The following C2orf42 variants were observed in gnomAD, a reference collection of about 807,000 sequenced individuals.
C2orf42 encodes the protein uncharacterized protein C2orf42.
Under a neutral mutation model 58.9 loss-of-function variants are expected in C2orf42, and 44 were observed. The observed-to-expected ratio is 0.75, with a 90% confidence interval of 0.59 to 0.96. The LOEUF (loss-of-function observed/expected upper bound fraction) is 0.96, where lower values mean the gene tolerates loss of function less well. Ranked by LOEUF, C2orf42 falls within the 40% of genes least tolerant of loss-of-function variation. The pLI, the probability that C2orf42 is intolerant of heterozygous loss-of-function variation, is 0.00. For synonymous variants in C2orf42, 239 were observed against 265.4 expected, an observed-to-expected ratio of 0.90 and a Z score of 0.97; for missense variants, 630 against 699.2, an observed-to-expected ratio of 0.90 and a Z score of 1.12.
In C2orf42 at chr2:70,180,607, CAAAAAAAA is replaced by C. The variant is rs59381817; in HGVS notation, c.823+548_823+555del. ...TTTGTGATGGAGCAAGATTCTGTCT[CAAAAAAAA>C]AAAAAAAAAAAAAAAATCAAGAGAT... is the stretch of plus-strand genomic sequence containing the variant. On this transcript the variant is annotated intron_variant, in intron 3 of 9. Transcript: ENST00000264434. Among the ~76,000 whole-genome samples, 343 of 57,080 alleles carry C rather than the reference CAAAAAAAA, an allele frequency of 6.0e-3. 3 individuals are homozygous for C. The highest frequency in any genetic ancestry group is 0.022 in the African/African-American group (327 of 14,976). 37.4% of individuals were successfully genotyped at this position (57,080 alleles called of 152,430 possible). A position where few individuals can be genotyped will look rare whatever the true frequency, so the allele number is the denominator to read the frequency against.
intron 6 of C2orf42, 102 bp from the exon 7 acceptor site, chr2:70,165,737 A>G: frequency 1.5e-6 from 1 of 684,824 alleles, no homozygotes; most frequent in South Asian, 1.7e-5. Context: ...GGTAATAACT[A>G]AAAATACCAC....
chr2:70,181,332 A>T lies in C2orf42; in HGVS notation c.654T>A (p.Pro218=). ...GACAGGAGCAGAAGAAGCGGCGCTC[A>T]GGCAAGCTTTTGCCACTGACTTTCT... ...FVQKVSGKSL[P]ERRFFCSCQT... Residue 218 remains proline (P), a synonymous_variant, in exon 3 of 10, where the codon CCT becomes CCA. Transcript: ENST00000264434. The T allele has an allele frequency of 6.2e-7, 1 of 1,614,050 alleles. No homozygotes were observed. Among genetic ancestry groups the T allele is most frequent in the Non-Finnish European group, 8.5e-7 (1 of 1,179,960 alleles).
intron 4 of C2orf42, among the ~76,000 whole-genome samples, chr2:70,178,104 T>C (rs1674311814): frequency 6.6e-6 from 1 of 152,130 alleles, no homozygotes; most frequent in Admixed American, 6.6e-5. Context: ...TAGCAAAAGG[T>C]ATCCTGTTTT....
At chr2:70,177,292 T>C (rs1174631635) in intron 4 of C2orf42, among the ~76,000 whole-genome samples, 1 of 137,868 alleles carries the variant, frequency 7.3e-6, no homozygotes, top group African/African-American at 2.7e-5. Context: ...AAAAAAAAAA[T>C]AGCCAAGCGT....
chr2:70,185,385 G>C (rs1674862288), intron 1 of C2orf42, among the ~76,000 whole-genome samples: 1 of 149,556 alleles, frequency 6.7e-6, no homozygotes, highest in South Asian at 2.1e-4. Context: ...TCCAGCATGG[G>C]TGACAAGAGT....
chr2:70,159,130 C>T (rs1383499898), intron 9 of C2orf42, among the ~76,000 whole-genome samples: 1 of 151,732 alleles, frequency 6.6e-6, no homozygotes, highest in East Asian at 1.9e-4. Context: ...TTGTGATCCG[C>T]CTGTCTCAGC....
chr2:70,156,616 T>C (rs1672692412), intron 9 of C2orf42, among the ~76,000 whole-genome samples: 1 of 151,702 alleles, frequency 6.6e-6, no homozygotes, highest in South Asian at 2.1e-4. Context: ...TCTCAGCACT[T>C]TGGGAGGCTG....
intron 8 of C2orf42, among the ~76,000 whole-genome samples, chr2:70,164,549 T>C (rs1673276130): frequency 6.6e-6 from 1 of 151,938 alleles, no homozygotes; most frequent in Non-Finnish European, 1.5e-5. Flanking sequence ...AGGGAATTGC[T>C]TGAACCCGGG....
chr2:70,178,075 A>G (rs1485832619), intron 4 of C2orf42, among the ~76,000 whole-genome samples: 1 of 152,144 alleles, frequency 6.6e-6, no homozygotes, highest in Non-Finnish European at 1.5e-5. Context: ...AAAAAAACAC[A>G]CAAACTTTGC....
intron 1 of C2orf42, among the ~76,000 whole-genome samples, chr2:70,185,712 C>CA (rs985102128): frequency 2.7e-5 from 4 of 146,606 alleles, no homozygotes; most frequent in African/African-American, 1.0e-4. Flanking sequence ...GACTTTGTCA[C>CA]AAAAAAAAAT....
intron 9 of C2orf42, among the ~76,000 whole-genome samples, chr2:70,152,962 G>T (rs528012900): frequency 1.4e-4 from 21 of 152,032 alleles, no homozygotes; most frequent in African/African-American, 4.8e-4. Flanking sequence ...GAACCTGGGA[G>T]GCAGGGGTTG....
At chr2:70,167,716 G>GTCCT (rs1345912756) in intron 6 of C2orf42, among the ~76,000 whole-genome samples, 4 of 152,080 alleles carry the variant, frequency 2.6e-5, no homozygotes, top group Admixed American at 1.3e-4. Context: ...ACTCCAGCCT[G>GTCCT]TGTGACAGAG....
rs771256212 is a variant in C2orf42, at chr2:70,182,001, CA to C, written c.-12-5del. 11 of 1,407,838 alleles carry C rather than the reference CA, an allele frequency of 7.8e-6. No homozygotes were observed. Among genetic ancestry groups the C allele is most frequent in the Non-Finnish European group, 1.1e-5 (11 of 999,480 alleles). 87.2% of individuals were successfully genotyped at this position (1,407,838 alleles called of 1,614,324 possible). On this transcript the variant is annotated splice_region_variant and splice_polypyrimidine_tract_variant and intron_variant, in intron 2 of 9. Transcript: ENST00000264434. Reference sequence around the variant, plus strand: ...TTGGTTCCATTTTTCAGAGGCCCTACAAAAGACAATACATCCAACAGTATGA... The same window carrying C: ...TTGGTTCCATTTTTCAGAGGCCCTACAAAGACAATACATCCAACAGTATGA...
At chr2:70,189,843 T>A (rs879739509) in intron 1 of C2orf42, among the ~76,000 whole-genome samples, 1 of 147,754 alleles carries the variant, frequency 6.8e-6, no homozygotes, top group African/African-American at 2.5e-5. Context: ...CTGGGCAACA[T>A]AGTGAGACCC....
intron 8 of C2orf42, among the ~76,000 whole-genome samples, chr2:70,163,401 T>C (rs1031999866): frequency 1.3e-5 from 2 of 151,900 alleles, no homozygotes; most frequent in East Asian, 4.0e-4. Flanking sequence ...CCTGCCACCA[T>C]GCCCGGCTAA....
chr2:70,158,908 T>TC (rs1327166135), intron 9 of C2orf42, among the ~76,000 whole-genome samples: 1 of 147,628 alleles, frequency 6.8e-6, no homozygotes, highest in African/African-American at 2.5e-5. Context: ...TCCTTTTTTT[T>TC]TTTTTTTTTT....
chr2:70,172,562 C>T (rs1157024882), intron 5 of C2orf42, among the ~76,000 whole-genome samples: 1 of 151,978 alleles, frequency 6.6e-6, no homozygotes, highest in Admixed American at 6.6e-5. Flanking sequence ...GCCTGTAGTC[C>T]CAGCTACTTG....
chr2:70,163,435 C>T (rs1488387263), intron 8 of C2orf42, among the ~76,000 whole-genome samples: 9 of 151,498 alleles, frequency 5.9e-5, no homozygotes, highest in East Asian at 2.0e-4. Context: ...TTAGTAGAGA[C>T]GGGGTTTCAC....
At chr2:70,166,532 T>C (rs1198488467) in intron 6 of C2orf42, among the ~76,000 whole-genome samples, 2 of 142,562 alleles carry the variant, frequency 1.4e-5, no homozygotes, top group Admixed American at 1.4e-4. Context: ...AAAAATTAGC[T>C]GGGCATGGTG....
Sources: allele counts gnomAD v4.1 joint callset (sites outside exome capture counted in the v4.1 genomes callset), GRCh38; gene constraint gnomAD v4.1.1; transcripts MANE v1.5; gene names NCBI Gene and HGNC (gene_info 2026-07-23, HGNC 2026-07-21).